Variants in SAMTOR observed in about 807,000 individuals in gnomAD.
SAMTOR encodes S-adenosylmethionine sensor upstream of mTORC1.
the SAMTOR span, among the ~76,000 whole-genome samples, chr7:112,850,855 CTT>C: frequency 6.6e-6 from 1 of 152,110 alleles, no homozygotes; most frequent in African/African-American, 2.4e-5. Context: ...TTCAAAGAAA[CTT>C]TTGTTTAATA....
At chr7:112,939,544 G>A in the SAMTOR span, 3 of 1,613,024 alleles carry the variant, frequency 1.9e-6, no homozygotes, top group Non-Finnish European at 2.5e-6. Flanking sequence ...CAAGCGGTTG[G>A]GGGTGATGAG....
chr7:112,932,116 A>G, the SAMTOR span, among the ~76,000 whole-genome samples: 2 of 151,892 alleles, frequency 1.3e-5, no homozygotes, highest in Non-Finnish European at 2.9e-5. Flanking sequence ...TAGTAGAGAC[A>G]GGGTTTCACC....
At chr7:112,892,160 G>A in the SAMTOR span, among the ~76,000 whole-genome samples, 2 of 152,120 alleles carry the variant, frequency 1.3e-5, no homozygotes, top group East Asian at 3.8e-4. Flanking sequence ...CACTTCCTTT[G>A]CTCATCCATA....
At chr7:112,902,739 T>C in the SAMTOR span, among the ~76,000 whole-genome samples, 2 of 152,060 alleles carry the variant, frequency 1.3e-5, no homozygotes, top group South Asian at 4.1e-4. Flanking sequence ...ATGGAGTGGT[T>C]GTATATGGGA....
the SAMTOR span, among the ~76,000 whole-genome samples, chr7:112,860,769 G>A: frequency 2.2e-4 from 33 of 151,828 alleles, no homozygotes; most frequent in African/African-American, 7.2e-4. Context: ...AAAATTAGCC[G>A]GGCATGGTGG....
the SAMTOR span, among the ~76,000 whole-genome samples, chr7:112,885,401 A>C: frequency 2.6e-5 from 4 of 152,212 alleles, no homozygotes; most frequent in Non-Finnish European, 5.9e-5. Context: ...CAAATTTTCC[A>C]AACTTTTATG....
the SAMTOR span, among the ~76,000 whole-genome samples, chr7:112,937,604 C>T: frequency 6.6e-6 from 1 of 151,262 alleles, no homozygotes; most frequent in East Asian, 1.9e-4. Context: ...AAGGAGCATG[C>T]TCATTAGGAT....
At chr7:112,939,847 GC>G in the SAMTOR span, 1 of 934,740 alleles carries the variant, frequency 1.1e-6, no homozygotes, top group Non-Finnish European at 1.6e-6. Flanking sequence ...GGAGGCAGCA[GC>G]CAGAGGAGGC....
At chr7:112,847,360 A>T in the SAMTOR span, among the ~76,000 whole-genome samples, 1 of 152,226 alleles carries the variant, frequency 6.6e-6, no homozygotes, top group African/African-American at 2.4e-5. Context: ...AGGACCTGGA[A>T]ATTCCAGTAT....
At chr7:112,889,475 G>T in the SAMTOR span, among the ~76,000 whole-genome samples, 3 of 152,182 alleles carry the variant, frequency 2.0e-5, no homozygotes, top group African/African-American at 7.2e-5. Flanking sequence ...CAAGCTGCAA[G>T]AATAGTGGCA....
chr7:112,915,437 A>G, the SAMTOR span: 1 of 1,590,568 alleles, frequency 6.3e-7, no homozygotes, highest in Non-Finnish European at 8.6e-7. Flanking sequence ...AGATCTTATC[A>G]AAATCTCCCA....
the SAMTOR span, among the ~76,000 whole-genome samples, chr7:112,864,614 C>A: frequency 6.6e-6 from 1 of 152,170 alleles, no homozygotes; most frequent in Non-Finnish European, 1.5e-5. Context: ...CCACTCTACA[C>A]TCATATTTAC....
the SAMTOR span, among the ~76,000 whole-genome samples, chr7:112,918,448 C>G: frequency 1.6e-4 from 24 of 152,218 alleles, no homozygotes; most frequent in South Asian, 5.0e-3. Context: ...CTGAAGGAAG[C>G]ACTAAACATG....
the SAMTOR span, among the ~76,000 whole-genome samples, chr7:112,906,731 C>T: frequency 6.6e-6 from 1 of 152,070 alleles, no homozygotes; most frequent in East Asian, 1.9e-4. Flanking sequence ...ACCACCATGC[C>T]CAGCTAATTT....
chr7:112,870,493 G>A, the SAMTOR span, among the ~76,000 whole-genome samples: 1 of 152,084 alleles, frequency 6.6e-6, no homozygotes, highest in South Asian at 2.1e-4. Context: ...ACAAGCAGTC[G>A]CTAAGAGAAT....
chr7:112,857,567 A>C, the SAMTOR span, among the ~76,000 whole-genome samples: 2 of 152,256 alleles, frequency 1.3e-5, no homozygotes, highest in Non-Finnish European at 2.9e-5. Context: ...TGCAAAAACT[A>C]TAAAATTTAC....
the SAMTOR span, among the ~76,000 whole-genome samples, chr7:112,913,603 C>T: frequency 1.3e-5 from 2 of 152,258 alleles, no homozygotes; most frequent in South Asian, 4.1e-4. Flanking sequence ...TATGACTTCC[C>T]ATGTCAGAGT....
chr7:112,916,490 G>C, the SAMTOR span, among the ~76,000 whole-genome samples: 4 of 152,108 alleles, frequency 2.6e-5, no homozygotes, highest in Non-Finnish European at 4.4e-5. Flanking sequence ...GAACAGCTCC[G>C]GTCTACAGCT....
the SAMTOR span, among the ~76,000 whole-genome samples, chr7:112,860,912 CAAAAAAA>C: frequency 1.1e-4 from 5 of 45,910 alleles, no homozygotes; most frequent in African/African-American, 1.6e-4. Context: ...GACTCTGTCT[CAAAAAAA>C]AAAAAAAAAA....
Sources: gnomAD v4.1 joint callset for allele counts (sites outside exome capture counted in the v4.1 genomes callset) on GRCh38, gnomAD v4.1.1 for gene constraint, MANE v1.5 for transcripts, NCBI Gene and HGNC (gene_info 2026-07-23, HGNC 2026-07-21) for gene names.